CNKSR3: variants seen among roughly 807,000 people sequenced by gnomAD.
The protein encoded by CNKSR3 is connector enhancer of kinase suppressor of ras 3.
Under a neutral mutation model 67.7 loss-of-function variants are expected in CNKSR3, and 36 were observed. The ratio of observed to expected loss-of-function variants is 0.53; its 90% CI spans 0.41 to 0.70. CNKSR3 has a LOEUF of 0.70. CNKSR3 is among the 30% of genes least tolerant of loss of function. CNKSR3 has a pLI of 0.00. For synonymous variants in CNKSR3, 281 were observed against 271.4 expected (o/e 1.04, Z -0.35); for missense variants, 630 against 695.2 (o/e 0.91, Z 1.05).
intron 1 of CNKSR3, among the ~76,000 whole-genome samples, chr6:154,464,917 G>C (rs1451907556): frequency 1.3e-5 from 2 of 151,234 alleles, no homozygotes; most frequent in Non-Finnish European, 2.9e-5. Flanking sequence ...CAAGGTGGGT[G>C]GATCAAGAGG....
chr6:154,457,274 C>T (rs1460636250), intron 1 of CNKSR3, among the ~76,000 whole-genome samples: 5 of 152,158 alleles, frequency 3.3e-5, no homozygotes, highest in African/African-American at 7.2e-5. Context: ...AGTGCCCTTT[C>T]GTGAGATGAG....
At chr6:154,461,978 G>A (rs1786089668) in intron 1 of CNKSR3, among the ~76,000 whole-genome samples, 1 of 152,228 alleles carries the variant, frequency 6.6e-6, no homozygotes, top group South Asian at 2.1e-4. Flanking sequence ...AAGGAGGCTG[G>A]AAAAGGGCCG....
At chr6:154,457,556 C>T (rs919117401) in intron 1 of CNKSR3, among the ~76,000 whole-genome samples, 4 of 152,114 alleles carry the variant, frequency 2.6e-5, no homozygotes, top group Non-Finnish European at 5.9e-5. Context: ...CCTGTCTCTA[C>T]TAAAAATGCA....
chr6:154,424,227 T>A (rs1785206750), intron 7 of CNKSR3, among the ~76,000 whole-genome samples: 1 of 116,918 alleles, frequency 8.6e-6, no homozygotes, highest in Admixed American at 9.2e-5. Flanking sequence ...CGAGACTCCG[T>A]CTCAAAAAAA....
chr6:154,410,727 T>C (rs1784892653), intron 11 of CNKSR3, among the ~76,000 whole-genome samples: 1 of 152,190 alleles, frequency 6.6e-6, no homozygotes, highest in Non-Finnish European at 1.5e-5. Context: ...CCAGTTGGGC[T>C]TTCATGCCAG....
At chr6:154,464,757 A>G (rs1037970109) in intron 1 of CNKSR3, among the ~76,000 whole-genome samples, 6 of 151,856 alleles carry the variant, frequency 4.0e-5, no homozygotes, top group South Asian at 2.1e-4. Flanking sequence ...AAGAAAGTCA[A>G]AGGCCTTAGT....
chr6:154,509,345 C>G (rs944570290), intron 1 of CNKSR3, among the ~76,000 whole-genome samples: 4 of 150,686 alleles, frequency 2.7e-5, no homozygotes, highest in Non-Finnish European at 5.9e-5. Context: ...TTCCTCATCC[C>G]AAATATTGTA....
intron 10 of CNKSR3, among the ~76,000 whole-genome samples, chr6:154,412,931 G>T (rs1784939197): frequency 6.6e-6 from 1 of 152,056 alleles, no homozygotes; most frequent in Admixed American, 6.6e-5. Context: ...GTGTCAGAGG[G>T]TAACCCAGAC....
At position 154,394,117 on chromosome 6, in the gene CNKSR3, C is replaced by G. The variant is rs35778732; in HGVS notation, c.*12237G>C. On this transcript the variant is annotated 3_prime_UTR_variant, in exon 13 of 13. Transcript: ENST00000607772. ...TACTGTAACCTCAAACTCCTGGGCT[C>G]CAGCGATTATCCCACCTCAGCCTCC... is the stretch of plus-strand genomic sequence containing the variant. 0.11 allele frequency: 16,241 copies of G among 152,162 alleles called. 1,166 individuals carry two copies. The highest frequency in any genetic ancestry group is 0.24 in the Admixed American group (3,675 of 15,284). 9.4% of individuals were successfully genotyped at this position (152,162 alleles called of 1,614,324 possible). A position where few individuals can be genotyped will look rare whatever the true frequency, so the allele number is the denominator to read the frequency against.
chr6:154,415,503 T>C (rs1042658278), intron 9 of CNKSR3, among the ~76,000 whole-genome samples: 3 of 152,162 alleles, frequency 2.0e-5, no homozygotes, highest in African/African-American at 7.2e-5. Flanking sequence ...AGTGCTGGGA[T>C]TACAGGTGTG....
At chr6:154,486,621 T>C (rs899748478) in intron 1 of CNKSR3, among the ~76,000 whole-genome samples, 1 of 150,116 alleles carries the variant, frequency 6.7e-6, no homozygotes, top group Non-Finnish European at 1.5e-5. Flanking sequence ...GCCTCCCAAG[T>C]AGCTGGGATT....
chr6:154,449,432 C>T (rs774083422), intron 2 of CNKSR3, among the ~76,000 whole-genome samples: 81 of 152,194 alleles, frequency 5.3e-4, no homozygotes, highest in Admixed American at 1.4e-3. Flanking sequence ...AGGTGATTCT[C>T]TGACCTCAGC....
intron 1 of CNKSR3, among the ~76,000 whole-genome samples, chr6:154,495,178 T>C (rs577458649): frequency 1.3e-5 from 2 of 152,230 alleles, no homozygotes; most frequent in South Asian, 4.2e-4. Flanking sequence ...CATGACACAA[T>C]TAGAATGCTG....
At chr6:154,492,785 G>T (rs1786807913) in intron 1 of CNKSR3, among the ~76,000 whole-genome samples, 1 of 149,980 alleles carries the variant, frequency 6.7e-6, no homozygotes, top group African/African-American at 2.4e-5. Flanking sequence ...AAACAACACA[G>T]ATCTTTCCTT....
Position 154,440,910 on chromosome 6 carries a change from A to T in CNKSR3, c.507+382T>A, listed in dbSNP as rs148764368. Among the ~76,000 whole-genome samples, 263 of 152,284 alleles carry T rather than the reference A, an allele frequency of 1.7e-3. 2 individuals carry two copies. Among genetic ancestry groups the T allele is most frequent in the Middle Eastern group, 0.01 (3 of 294 alleles). ...AATCCAACAACAAGAGGCCAAAATG[A>T]AAAGAAAATTAAGAAGCAGATATAG... On this transcript the variant is annotated intron_variant, in intron 4 of 12. Coordinates refer to ENST00000607772, the MANE Select transcript of CNKSR3 (RefSeq NM_173515.4).
At chr6:154,455,718 G>A (rs1406343955) in intron 1 of CNKSR3, among the ~76,000 whole-genome samples, 2 of 152,070 alleles carry the variant, frequency 1.3e-5, no homozygotes, top group Non-Finnish European at 2.9e-5. Context: ...CAACATGCCT[G>A]GCCTGCTTTT....
rs1784692094 is a variant in CNKSR3, at chr6:154,399,278, C to CAGCTCTGAATACCTTATTCACTAGAGGCT, written c.*7047_*7075dup. 1 of 152,162 alleles carries CAGCTCTGAATACCTTATTCACTAGAGGCT rather than the reference C, an allele frequency of 6.6e-6. No individual in the cohort carries two copies. Among genetic ancestry groups the CAGCTCTGAATACCTTATTCACTAGAGGCT allele is most frequent in the Admixed American group, 6.6e-5 (1 of 15,264 alleles). 9.4% of individuals were successfully genotyped at this position (152,162 alleles called of 1,614,324 possible). A position where few individuals can be genotyped will look rare whatever the true frequency, so the allele number is the denominator to read the frequency against. Reference sequence around the variant, plus strand: ...AAAGAATGAGCAATTTCCTGTTGGCCAGCTCTGAATACCTTATTCACTAGA... The same window carrying CAGCTCTGAATACCTTATTCACTAGAGGCT: ...AAAGAATGAGCAATTTCCTGTTGGCCAGCTCTGAATACCTTATTCACTAGAGGCTAGCTCTGAATACCTTATTCACTAGA... On this transcript the variant is annotated 3_prime_UTR_variant, in exon 13 of 13. Coordinates refer to ENST00000607772, the MANE Select transcript of CNKSR3 (RefSeq NM_173515.4).
At chr6:154,469,580 C>G (rs1786278789) in intron 1 of CNKSR3, among the ~76,000 whole-genome samples, 1 of 152,180 alleles carries the variant, frequency 6.6e-6, no homozygotes. Context: ...GACAACACCT[C>G]CACAAAAAGC....
At chr6:154,468,757 C>T (rs905595037) in intron 1 of CNKSR3, among the ~76,000 whole-genome samples, 6 of 152,172 alleles carry the variant, frequency 3.9e-5, no homozygotes, top group South Asian at 2.1e-4. Context: ...TCAAATATAG[C>T]GGACACAGAG....
Sources: allele counts gnomAD v4.1 joint callset (sites outside exome capture counted in the v4.1 genomes callset), GRCh38; gene constraint gnomAD v4.1.1; transcripts MANE v1.5; gene names NCBI Gene and HGNC (gene_info 2026-07-23, HGNC 2026-07-21).